XKR4: variants seen among roughly 807,000 people sequenced by gnomAD.
XKR4 encodes the protein XK related 4, also known as XK-related protein 4.
Under a neutral mutation model 53.9 loss-of-function variants are expected in XKR4, and 12 were observed. That is an observed-to-expected ratio of 0.22 (90% CI 0.14 to 0.36). The LOEUF (loss-of-function observed/expected upper bound fraction) is 0.36. Ranked by LOEUF, XKR4 falls within the 10% of genes least tolerant of loss-of-function variation. The pLI, the probability that XKR4 is intolerant of heterozygous loss-of-function variation, is 1.00. For missense variants in XKR4, 799 were observed against 859.5 expected (o/e 0.93, Z 0.88); for synonymous variants, 354 against 362.4 (o/e 0.98, Z 0.26).
intron 1 of XKR4, among the ~76,000 whole-genome samples, chr8:55,289,256 C>T (rs1818948372): frequency 6.6e-6 from 1 of 152,090 alleles, no homozygotes; most frequent in East Asian, 1.9e-4. Flanking sequence ...TGGCTCACGC[C>T]TGCAATCCCC....
At chr8:55,173,915 T>C (rs1817196931) in intron 1 of XKR4, among the ~76,000 whole-genome samples, 1 of 152,192 alleles carries the variant, frequency 6.6e-6, no homozygotes, top group Non-Finnish European at 1.5e-5. Flanking sequence ...GCATGAAGTA[T>C]TTATAAAAGA....
intron 1 of XKR4, among the ~76,000 whole-genome samples, chr8:55,138,784 G>T (rs1367101594): frequency 2.6e-5 from 4 of 152,200 alleles, no homozygotes; most frequent in African/African-American, 9.7e-5. Flanking sequence ...TGGTTCTTTT[G>T]CTTGCTTCAT....
At chr8:55,450,786 C>T in intron 2 of XKR4, 1 of 533,310 alleles carries the variant, frequency 1.9e-6, no homozygotes, top group South Asian at 1.8e-5. Flanking sequence ...GGTCTGAGAA[C>T]AGCTGCACCA....
At chr8:55,206,780 G>A (rs1349522500) in intron 1 of XKR4, among the ~76,000 whole-genome samples, 2 of 151,704 alleles carry the variant, frequency 1.3e-5, no homozygotes, top group Non-Finnish European at 2.9e-5. Flanking sequence ...ATTTTTTTTC[G>A]TGGTCAGGAG....
intron 2 of XKR4, among the ~76,000 whole-genome samples, chr8:55,398,248 G>A (rs1234226586): frequency 1.3e-5 from 2 of 152,088 alleles, no homozygotes; most frequent in Non-Finnish European, 2.9e-5. Context: ...TCACCCCAGA[G>A]CAACTTTAGA....
chr8:55,449,417 G>A (rs2068454925), intron 2 of XKR4: 1 of 668,644 alleles, frequency 1.5e-6, no homozygotes, highest in South Asian at 1.7e-5. Context: ...CCGAGGGCCG[G>A]GCCGGGGCTG....
At position 55,102,743 on chromosome 8, in the gene XKR4, C is replaced by A; in HGVS notation, c.255C>A (p.Gly85=). Residue 85 remains glycine, a synonymous_variant, in exon 1 of 3, where the codon GGC becomes GGA. Transcript: ENST00000327381. This position sits in a 1 kb window ranked among gnomAD's most constrained non-coding sequence, Gnocchi z 5.1. The stretch of plus-strand genomic sequence containing the variant: ...CGGGCGGCTCCGGCGGCGTCGCCGG[C>A]CCGGGCGGCGGCGGGGCGGGCTCGG... The part of the protein sequence containing the change: ...AGSGGSGGVA[G]PGGGGAGSAA... The A allele has an allele frequency of 1.6e-6, 2 of 1,214,260 alleles. No individual in the cohort carries two copies. Among genetic ancestry groups the A allele is most frequent in the Non-Finnish European group, 2.0e-6 (2 of 976,378 alleles). 75.2% of individuals were successfully genotyped at this position (1,214,260 alleles called of 1,614,324 possible).
chr8:55,452,266 C>A lies in XKR4; in HGVS notation c.1007-71015C>A, dbSNP rs374069988. On this transcript the variant is annotated intron_variant, in intron 2 of 2. Coordinates refer to ENST00000327381, the MANE Select transcript of XKR4 (RefSeq NM_052898.2). ...TGCAGCCCGTCCTGCAATAGCTGATCCAAAGGGGTCTGGATGCTGATGCAT... is the reference window on the plus strand; with the variant it reads ...TGCAGCCCGTCCTGCAATAGCTGATACAAAGGGGTCTGGATGCTGATGCAT... 1.7e-4 allele frequency: 108 copies of A among 649,138 alleles called. No homozygotes were observed. The African/African-American group carries it at 1.7e-3, about 10-fold the overall frequency. 40.2% of individuals were successfully genotyped at this position (649,138 alleles called of 1,614,324 possible). A position where few individuals can be genotyped will look rare whatever the true frequency, so the allele number is the denominator to read the frequency against.
chr8:55,300,702 G>A (rs966895985), intron 1 of XKR4, among the ~76,000 whole-genome samples: 3 of 152,052 alleles, frequency 2.0e-5, no homozygotes, highest in Admixed American at 2.0e-4. Flanking sequence ...CCACCTTCAG[G>A]GCAGCTTTAC....
At chr8:55,158,125 G>A (rs1816934425) in intron 1 of XKR4, among the ~76,000 whole-genome samples, 1 of 151,992 alleles carries the variant, frequency 6.6e-6, no homozygotes. Flanking sequence ...CTCCTCACTG[G>A]CAGTTTGTAA....
chr8:55,453,474 T>G (rs940374896), intron 2 of XKR4: 1 of 397,778 alleles, frequency 2.5e-6, no homozygotes, highest in African/African-American at 2.1e-5. Context: ...ACGTGGGAGA[T>G]GCAGTTGCCC....
At chr8:55,367,287 G>C (rs950360666) in intron 2 of XKR4, among the ~76,000 whole-genome samples, 2 of 152,080 alleles carry the variant, frequency 1.3e-5, no homozygotes, top group African/African-American at 4.8e-5. Flanking sequence ...GTGCTTGTGA[G>C]ATATGATTCC....
intron 2 of XKR4, among the ~76,000 whole-genome samples, chr8:55,427,698 T>C (rs972969367): frequency 1.3e-5 from 2 of 152,244 alleles, no homozygotes; most frequent in Non-Finnish European, 2.9e-5. Context: ...AACTAAATAG[T>C]AGACTTTTAT....
chr8:55,333,348 A>T (rs959260865), intron 1 of XKR4, among the ~76,000 whole-genome samples: 1 of 152,030 alleles, frequency 6.6e-6, no homozygotes, highest in African/African-American at 2.4e-5. Flanking sequence ...CCACCCCTCT[A>T]TCTTTGCAAA....
chr8:55,145,441 A>G (rs189232118), intron 1 of XKR4, among the ~76,000 whole-genome samples: 1 of 151,908 alleles, frequency 6.6e-6, no homozygotes, highest in East Asian at 1.9e-4. Flanking sequence ...AAAAAAAAAA[A>G]TGTAATTTCC....
chr8:55,319,474 G>A (rs900926878), intron 1 of XKR4, among the ~76,000 whole-genome samples: 1 of 152,108 alleles, frequency 6.6e-6, no homozygotes, highest in Non-Finnish European at 1.5e-5. Flanking sequence ...AGTCATTTGC[G>A]ATGTTTCTAA....
At chr8:55,184,420 C>A (rs952376192) in intron 1 of XKR4, among the ~76,000 whole-genome samples, 1 of 152,132 alleles carries the variant, frequency 6.6e-6, no homozygotes, top group African/African-American at 2.4e-5. Flanking sequence ...TATTACTCAG[C>A]GCAACTTGTG....
intron 1 of XKR4, among the ~76,000 whole-genome samples, chr8:55,153,697 C>G (rs1234503765): frequency 6.6e-6 from 1 of 152,174 alleles, no homozygotes; most frequent in Non-Finnish European, 1.5e-5. Flanking sequence ...ACTTTGATGA[C>G]AAATCTTAAC....
At chr8:55,471,408 C>T (rs538088938) in intron 2 of XKR4, among the ~76,000 whole-genome samples, 21 of 152,076 alleles carry the variant, frequency 1.4e-4, no homozygotes, top group Non-Finnish European at 2.9e-4. Flanking sequence ...AGCATCAGCA[C>T]GGTGTGGAAA....
Sources: allele counts gnomAD v4.1 joint callset (sites outside exome capture counted in the v4.1 genomes callset), GRCh38; gene constraint gnomAD v4.1.1; non-coding constraint Gnocchi (gnomAD v3.1); transcripts MANE v1.5; gene names NCBI Gene and HGNC (gene_info 2026-07-23, HGNC 2026-07-21).